The following NEU1 variants were observed in gnomAD, a reference collection of about 807,000 sequenced individuals.
NEU1 encodes sialidase-1.
A neutral mutation model predicts 38.3 loss-of-function variants in NEU1; 32 were observed. That is an observed-to-expected ratio of 0.84 (90% CI 0.63 to 1.12). NEU1 has a LOEUF of 1.12. Ranked by LOEUF, NEU1 falls within the 50% of genes most tolerant of loss-of-function variation. NEU1 has a pLI of 0.00. For synonymous variants in NEU1, 192 were observed against 225.2 expected, an observed-to-expected ratio of 0.85 and a Z score of 1.32; for missense variants, 431 against 549.2, an observed-to-expected ratio of 0.78 and a Z score of 2.15.
rs755444427 is a variant in NEU1, at chr6:31,862,685, A to G, written c.92T>C (p.Phe31Ser). Reference protein sequence around the residue: ...GFWGGCRVWVFAAIFLLLSLA... With the variant: ...GFWGGCRVWVSAAIFLLLSLA... ...AGACAGCAGCAGGAAGATCGCGGCA[A>G]ACACCCAAACCCTACAGCCTCCCCA... The change falls in exon 1 of 6, where the codon TTT becomes TCT. Residue 31 changes from phenylalanine to serine, a missense_variant. Physicochemically the swap from Phe to Ser is radical, Grantham distance 155 (BLOSUM62 -2). Coordinates refer to ENST00000375631, the MANE Select transcript of NEU1 (RefSeq NM_000434.4). The surrounding 1 kb of genome is among the most constrained non-coding windows in gnomAD (Gnocchi z 6.3). 6.2e-7 allele frequency: 1 copy of G among 1,612,968 alleles called. No individual in the cohort carries two copies. Among genetic ancestry groups the G allele is most frequent in the South Asian group, 1.1e-5 (1 of 91,068 alleles).
At position 31,862,715 on chromosome 6, in the gene NEU1, C is replaced by G; in HGVS notation, c.62G>C (p.Gly21Ala). ...CCAAACCCTACAGCCTCCCCAGAAG[C>G]CCAGAATCCGCGGCCCCCAGCGTCT... ...PDRRWGPRIL[G>A]FWGGCRVWVF... Residue 21 changes from glycine to alanine, a missense_variant, in exon 1 of 6, where the codon GGC becomes GCC. Coordinates refer to ENST00000375631, the MANE Select transcript of NEU1 (RefSeq NM_000434.4). The surrounding 1 kb of genome is among the most constrained non-coding windows in gnomAD (Gnocchi z 6.3). 4 of 1,612,998 alleles carry G rather than the reference C, an allele frequency of 2.5e-6. No homozygotes were observed. The South Asian group carries it at 4.4e-5, about 18-fold the overall frequency.
At position 31,859,869 on chromosome 6, in the gene NEU1, G is replaced by T. The variant is rs774676219; in HGVS notation, c.1098C>A (p.Gly366=). Residue 366 remains glycine (G), a synonymous_variant, in exon 6 of 6, where the codon GGC becomes GGA. Transcript: ENST00000375631. ...TTGCCAGGGATGAATAGCCACTGGG[G>T]CCTGGCCATAGCTGGACTGTCTCTT... ...WRKETVQLWP[G]PSGYSSLATL... The T allele has an allele frequency of 6.2e-7, 1 of 1,613,072 alleles. No homozygotes were observed. Among genetic ancestry groups the T allele is most frequent in the Admixed American group, 1.7e-5 (1 of 60,024 alleles).
In NEU1 at chr6:31,859,950, GGAGAGCAGGAGAGTC is replaced by G; in HGVS notation, c.1022-20_1022-6del. On this transcript the variant is annotated splice_region_variant and splice_polypyrimidine_tract_variant and intron_variant, in intron 5 of 5. Coordinates refer to ENST00000375631, the MANE Select transcript of NEU1 (RefSeq NM_000434.4). The stretch of plus-strand genomic sequence containing the variant: ...ATCGCAGGGTCAGGTTCACTCCTGG[GGAGAGCAGGAGAGTC>G]AGGGAGAGAGGGTCTCTGCCCAGGC... 6.2e-7 allele frequency: 1 copy of G among 1,612,904 alleles called. No homozygotes were observed. The highest frequency in any genetic ancestry group is 8.5e-7 in the Non-Finnish European group (1 of 1,179,914).
At position 31,860,105 on chromosome 6, in the gene NEU1, C is replaced by A. The variant is rs1428766811; in HGVS notation, c.958G>T (p.Ala320Ser). The change falls in exon 5 of 6, where the codon GCA (alanine) becomes TCA (serine). Residue 320 changes from alanine (A) to serine (S), a missense_variant. By Grantham distance (99) the Ala-to-Ser change is moderately conservative. Coordinates refer to ENST00000375631, the MANE Select transcript of NEU1 (RefSeq NM_000434.4). The surrounding 1 kb of genome is among the most constrained non-coding windows in gnomAD (Gnocchi z 4.8). ...DPELVDPVVA[A>S]GAVVTSSGIV... is the part of the protein sequence containing the mutation. ...CCGGAGCTGGTGACTACAGCTCCTG[C>A]AGCTACCACAGGGTCCACGAGCTCA... The A allele has an allele frequency of 1.2e-6, 2 of 1,612,950 alleles. No individual in the cohort carries two copies. The highest frequency in any genetic ancestry group is 1.7e-6 in the Non-Finnish European group (2 of 1,180,040).
At position 31,857,794 on chromosome 6, in the gene NEU1, T is replaced by A. The variant is rs944229087; in HGVS notation, c.*1925A>T. The A allele has an allele frequency of 6.6e-6, 1 of 152,150 alleles. No homozygotes were observed. The highest frequency in any genetic ancestry group is 2.4e-5 in the African/African-American group (1 of 41,432). 9.4% of individuals were successfully genotyped at this position (152,150 alleles called of 1,614,324 possible). A position where few individuals can be genotyped will look rare whatever the true frequency, so the allele number is the denominator to read the frequency against. On this transcript the variant is annotated 3_prime_UTR_variant, in exon 6 of 6. Coordinates refer to ENST00000375631, the MANE Select transcript of NEU1 (RefSeq NM_000434.4). ...CAGGCTAGCTGGGACAGGATTCCCA[T>A]CTGCATTTCACACACTTGCACCCTA... is the stretch of plus-strand genomic sequence containing the variant.
At position 31,862,814 on chromosome 6, in the gene NEU1, C is replaced by T. The variant is rs772848892; in HGVS notation, c.-38G>A. The T allele has an allele frequency of 2.5e-6, 4 of 1,611,202 alleles. No homozygotes were observed. In the Admixed American group the frequency reaches 5.0e-5, roughly 20 times the overall value. On this transcript the variant is annotated 5_prime_UTR_variant, in exon 1 of 6. Transcript: ENST00000375631. This position sits in a 1 kb window ranked among gnomAD's most constrained non-coding sequence, Gnocchi z 6.3. The stretch of plus-strand genomic sequence containing the variant: ...CTGCCGCGACCCTGGCAGCTAGACT[C>T]CACAGAGTCGGGAGTCAGCTGACCC...
rs890429425 is a variant in NEU1 at position 31,862,515 on chromosome 6, G to A, written c.159+103C>T. On this transcript the variant is annotated intron_variant, in intron 1 of 5. Coordinates refer to ENST00000375631, the MANE Select transcript of NEU1 (RefSeq NM_000434.4). The surrounding 1 kb of genome is among the most constrained non-coding windows in gnomAD (Gnocchi z 6.3). ...AAACGGGGTCTGGGAGAAAGAAAAGGGTCCTGTCGCGGAAAGTCGGCTCAG... is the reference window on the plus strand; with the variant it reads ...AAACGGGGTCTGGGAGAAAGAAAAGAGTCCTGTCGCGGAAAGTCGGCTCAG... 1.3e-6 allele frequency: 2 copies of A among 1,516,716 alleles called. No homozygotes were observed. The highest frequency in any genetic ancestry group is 1.7e-5 in the Admixed American group (1 of 58,980). 94.0% of individuals were successfully genotyped at this position (1,516,716 alleles called of 1,614,324 possible).
rs757814098 is a variant in NEU1 at position 31,860,123 on chromosome 6, C to A, written c.940G>T (p.Val314Leu). Reference sequence around the variant, plus strand: ...GCTCCTGCAGCTACCACAGGGTCCACGAGCTCAGGGTCGAAGGTCACATCA... The same window carrying A: ...GCTCCTGCAGCTACCACAGGGTCCAAGAGCTCAGGGTCGAAGGTCACATCA... ...PRDVTFDPELVDPVVAAGAVV... is the reference protein window; with the variant it reads ...PRDVTFDPELLDPVVAAGAVV... Residue 314 changes from valine (V) to leucine (L), a missense_variant, in exon 5 of 6, where the codon GTG (valine) becomes TTG (leucine). Physicochemically the swap from Val to Leu is conservative, Grantham distance 32. Coordinates refer to ENST00000375631, the MANE Select transcript of NEU1 (RefSeq NM_000434.4). The surrounding 1 kb of genome is among the most constrained non-coding windows in gnomAD (Gnocchi z 4.8). 5 of 1,613,068 alleles carry A rather than the reference C, an allele frequency of 3.1e-6. No homozygotes were observed. The highest frequency in any genetic ancestry group is 4.2e-6 in the Non-Finnish European group (5 of 1,180,024).
chr6:31,859,034 A>C lies in NEU1; in HGVS notation c.*685T>G, dbSNP rs1762399224. On this transcript the variant is annotated 3_prime_UTR_variant, in exon 6 of 6. Transcript: ENST00000375631. ...GAGCCCTGTCTCAAAAAAAGCAACAACAAAAAAAGAGGGCATGTCAAAAGG... is the reference window on the plus strand; with the variant it reads ...GAGCCCTGTCTCAAAAAAAGCAACACCAAAAAAAGAGGGCATGTCAAAAGG... The C allele has an allele frequency of 6.4e-6, 1 of 156,538 alleles. No homozygotes were observed. Among genetic ancestry groups the C allele is most frequent in the South Asian group, 1.9e-4 (1 of 5,248 alleles). The allele number at this position is 156,538 out of a possible 1,614,324, so 9.7% of individuals were successfully genotyped here. A position where few individuals can be genotyped will look rare whatever the true frequency, so the allele number is the denominator to read the frequency against.
In NEU1 at chr6:31,862,779, C is replaced by G; in HGVS notation, c.-3G>C. The G allele has an allele frequency of 6.2e-7, 1 of 1,612,574 alleles. No individual in the cohort carries two copies. The highest frequency in any genetic ancestry group is 8.5e-7 in the Non-Finnish European group (1 of 1,179,880). ...GTGCTGGGTCGCTCCCCAGTCATCT[C>G]TCCCCGCAGCTGCCGCGACCCTGGC... On this transcript the variant is annotated 5_prime_UTR_variant, in exon 1 of 6. Transcript: ENST00000375631. The surrounding 1 kb of genome is among the most constrained non-coding windows in gnomAD (Gnocchi z 6.3).
chr6:31,862,016 C>A lies in NEU1; in HGVS notation c.335G>T (p.Arg112Leu). The A allele has an allele frequency of 2.5e-6, 4 of 1,613,086 alleles. No individual in the cohort carries two copies. Among genetic ancestry groups the A allele is most frequent in the Non-Finnish European group, 3.4e-6 (4 of 1,180,034 alleles). ...CTTTATACCCTGGTCCATGGACCTC[C>A]GCAGGGCGATGAACTTGGCCCCCTC... ...SDEGAKFIAL[R>L]RSMDQGSTWS... The change falls in exon 2 of 6, where the codon CGG becomes CTG. Residue 112 changes from arginine (R) to leucine (L), a missense_variant. Physicochemically the swap from Arg to Leu is moderately radical, Grantham distance 102 (BLOSUM62 -2). Transcript: ENST00000375631. This position sits in a 1 kb window ranked among gnomAD's most constrained non-coding sequence, Gnocchi z 6.3.
At position 31,860,954 on chromosome 6, in the gene NEU1, G is replaced by A; in HGVS notation, c.615+234C>T. 2 of 629,170 alleles carry A rather than the reference G, an allele frequency of 3.2e-6. No individual in the cohort carries two copies. Among genetic ancestry groups the A allele is most frequent in the South Asian group, 3.9e-5 (2 of 50,864 alleles). 39.0% of individuals were successfully genotyped at this position (629,170 alleles called of 1,614,324 possible). On this transcript the variant is annotated intron_variant, in intron 3 of 5. Transcript: ENST00000375631. This position sits in a 1 kb window ranked among gnomAD's most constrained non-coding sequence, Gnocchi z 4.8. ...GTGCCTTTTTCTACTTTGCATGAGGGTATTGCATGGACTAACGCAGTCCTG... is the reference window on the plus strand; with the variant it reads ...GTGCCTTTTTCTACTTTGCATGAGGATATTGCATGGACTAACGCAGTCCTG...
Position 31,862,195 on chromosome 6 carries a change from T to G in NEU1, c.160-4A>C, listed in dbSNP as rs1368655473. The G allele has an allele frequency of 1.2e-6, 2 of 1,612,466 alleles. No homozygotes were observed. The highest frequency in any genetic ancestry group is 2.7e-5 in the African/African-American group (2 of 74,892). Reference sequence around the variant, plus strand: ...CCATGGTCACCAGCGGCTGCACCTGTCATGGGAGGAGGAAGGGTCAACAAA... The same window carrying G: ...CCATGGTCACCAGCGGCTGCACCTGGCATGGGAGGAGGAAGGGTCAACAAA... On this transcript the variant is annotated splice_polypyrimidine_tract_variant and splice_region_variant and intron_variant, in intron 1 of 5. Coordinates refer to ENST00000375631, the MANE Select transcript of NEU1 (RefSeq NM_000434.4). The surrounding 1 kb of genome is among the most constrained non-coding windows in gnomAD (Gnocchi z 6.3).
Position 31,862,557 on chromosome 6 carries a change from G to A in NEU1, c.159+61C>T, listed in dbSNP as rs2151547212. 7 of 1,610,554 alleles carry A rather than the reference G, an allele frequency of 4.3e-6. No homozygotes were observed. Among genetic ancestry groups the A allele is most frequent in the Non-Finnish European group, 5.9e-6 (7 of 1,177,842 alleles). ...TCGGCTCAGCCGCCCGCGTTCCGGG[G>A]GACACTAGGTGTCGATCACCTGCGC... On this transcript the variant is annotated intron_variant, in intron 1 of 5. Transcript: ENST00000375631. This position sits in a 1 kb window ranked among gnomAD's most constrained non-coding sequence, Gnocchi z 6.3.
Position 31,859,546 on chromosome 6 carries a change from C to T in NEU1, c.*173G>A. ...CTTTTTTGTGGGAGAGGACGCCTAG[C>T]TTTCAGTCCTAAAGGAAGTGATTTC... On this transcript the variant is annotated 3_prime_UTR_variant, in exon 6 of 6. Transcript: ENST00000375631. The T allele has an allele frequency of 1.4e-6, 1 of 720,210 alleles. No individual in the cohort carries two copies. The highest frequency in any genetic ancestry group is 2.5e-6 in the Non-Finnish European group (1 of 407,546). 44.6% of individuals were successfully genotyped at this position (720,210 alleles called of 1,614,324 possible). A position where few individuals can be genotyped will look rare whatever the true frequency, so the allele number is the denominator to read the frequency against.
In NEU1 at chr6:31,860,928, A is replaced by C; in HGVS notation, c.615+260T>G. Reference sequence around the variant, plus strand: ...CAGGCTTGTGTCTGTCCAAAGAGGCAGTGCCTTTTTCTACTTTGCATGAGG... The same window carrying C: ...CAGGCTTGTGTCTGTCCAAAGAGGCCGTGCCTTTTTCTACTTTGCATGAGG... On this transcript the variant is annotated intron_variant, in intron 3 of 5. Coordinates refer to ENST00000375631, the MANE Select transcript of NEU1 (RefSeq NM_000434.4). The surrounding 1 kb of genome is among the most constrained non-coding windows in gnomAD (Gnocchi z 4.8). The C allele has an allele frequency of 3.2e-6, 2 of 620,100 alleles. No homozygotes were observed. The highest frequency in any genetic ancestry group is 5.6e-6 in the Non-Finnish European group (2 of 355,126). The allele number at this position is 620,100 out of a possible 1,614,324, so 38.4% of individuals were successfully genotyped here.
rs202132548 is a variant in NEU1, at chr6:31,860,410, G to A, written c.798+29C>T. 3.5e-4 allele frequency: 569 copies of A among 1,613,708 alleles called. No individual in the cohort carries two copies. Among genetic ancestry groups the A allele is most frequent in the African/African-American group, 2.0e-3 (147 of 74,956 alleles). On this transcript the variant is annotated intron_variant, in intron 4 of 5. Transcript: ENST00000375631. This position sits in a 1 kb window ranked among gnomAD's most constrained non-coding sequence, Gnocchi z 4.8. ...TTCTGGAGGGCAGGGAGGGTCAAAT[G>A]GGTAGGGAACATCTCATGGACTCCT...
At position 31,860,933 on chromosome 6, in the gene NEU1, CT is replaced by C; in HGVS notation, c.615+254del. On this transcript the variant is annotated intron_variant, in intron 3 of 5. Transcript: ENST00000375631. This position sits in a 1 kb window ranked among gnomAD's most constrained non-coding sequence, Gnocchi z 4.8. ...TTGTGTCTGTCCAAAGAGGCAGTGC[CT>C]TTTTCTACTTTGCATGAGGGTATTG... The C allele has an allele frequency of 1.6e-6, 1 of 622,704 alleles. No individual in the cohort carries two copies. The highest frequency in any genetic ancestry group is 2.8e-6 in the Non-Finnish European group (1 of 357,526). 38.6% of individuals were successfully genotyped at this position (622,704 alleles called of 1,614,324 possible). A position where few individuals can be genotyped will look rare whatever the true frequency, so the allele number is the denominator to read the frequency against.
chr6:31,860,148 A>C lies in NEU1; in HGVS notation c.915T>G (p.Arg305=), dbSNP rs1762449351. 6.2e-7 allele frequency: 1 copy of C among 1,612,864 alleles called. No homozygotes were observed. ...SYDACDTLRP[R]DVTFDPELVD... ...CGAGCTCAGGGTCGAAGGTCACATC[A>C]CGGGGCCTTAGTGTATCACAGGCAT... The change falls in exon 5 of 6, where the codon CGT becomes CGG. Residue 305 remains arginine, a synonymous_variant. Transcript: ENST00000375631. This position sits in a 1 kb window ranked among gnomAD's most constrained non-coding sequence, Gnocchi z 4.8.
Sources: gnomAD v4.1 joint callset for allele counts on GRCh38, gnomAD v4.1.1 for gene constraint, Gnocchi (gnomAD v3.1) non-coding constraint, MANE v1.5 for transcripts, NCBI Gene and HGNC (gene_info 2026-07-23, HGNC 2026-07-21) for gene names.